BCAS3: variants seen among roughly 807,000 people sequenced by gnomAD.
The protein encoded by BCAS3 is BCAS3 microtubule associated cell migration factor.
A neutral mutation model predicts 116.1 loss-of-function variants in BCAS3; 53 were observed. The ratio of observed to expected loss-of-function variants is 0.46; its 90% CI spans 0.37 to 0.57. The LOEUF is 0.57. BCAS3 is among the 20% of genes least tolerant of loss of function. The probability of loss-of-function intolerance (pLI) is 0.00; values close to 1 mark genes in which losing one functional copy is unlikely to be tolerated. For missense variants in BCAS3, 917 were observed against 1,165.4 expected (o/e 0.79, Z 3.10); for synonymous variants, 391 against 408.2 (o/e 0.96, Z 0.51).
chr17:61,246,407 G>A (rs1374356619), intron 22 of BCAS3, among the ~76,000 whole-genome samples: 1 of 147,348 alleles, frequency 6.8e-6, no homozygotes, highest in Non-Finnish European at 1.5e-5. Context: ...CAGAAGCAGA[G>A]GTTGCTAAGA....
In BCAS3 at chr17:60,828,147, C is replaced by G. The variant is rs1320871463; in HGVS notation, c.476+20071C>G. Among the ~76,000 whole-genome samples the G allele has an allele frequency of 2.0e-5, 3 of 152,154 alleles. No individual in the cohort carries two copies. The East Asian group carries it at 5.8e-4, about 29-fold the overall frequency. ...TCCAGTCAACTTCAGGCTTAGATTA[C>G]AAGATTTGCAAATTAGAGGAAAACC... On this transcript the variant is annotated intron_variant, in intron 7 of 23. Coordinates refer to ENST00000407086, the MANE Select transcript of BCAS3 (RefSeq NM_017679.5).
chr17:60,988,771 T>A (rs995604976), intron 14 of BCAS3, among the ~76,000 whole-genome samples: 2 of 151,950 alleles, frequency 1.3e-5, no homozygotes, highest in African/African-American at 4.8e-5. Flanking sequence ...TTTATTTGAG[T>A]CTTCTCTCTT....
chr17:60,965,634 T>G (rs1242829313), intron 14 of BCAS3, among the ~76,000 whole-genome samples: 1 of 152,216 alleles, frequency 6.6e-6, no homozygotes, highest in Non-Finnish European at 1.5e-5. Context: ...GTTTTTTAAT[T>G]TCTATGTGTT....
chr17:60,728,525 G>T (rs2040139703), intron 5 of BCAS3, among the ~76,000 whole-genome samples: 1 of 151,618 alleles, frequency 6.6e-6, no homozygotes, highest in Non-Finnish European at 1.5e-5. Flanking sequence ...TGTCGCCTAG[G>T]CTGGAGTACA....
rs1190594728 is a variant in BCAS3 at position 61,065,001 on chromosome 17, C to T, written c.2030-9919C>T. Among the ~76,000 whole-genome samples the T allele has an allele frequency of 6.6e-6, 1 of 152,150 alleles. No homozygotes were observed. Among genetic ancestry groups the T allele is most frequent in the Non-Finnish European group, 1.5e-5 (1 of 68,034 alleles). ...GAATTCCTCTACATTTAAATTGTCA[C>T]ATTTATAAATCAGTGTGAATTTAAT... On this transcript the variant is annotated intron_variant, in intron 19 of 23. Coordinates refer to ENST00000407086, the MANE Select transcript of BCAS3 (RefSeq NM_017679.5). This position sits in a 1 kb window ranked among gnomAD's most constrained non-coding sequence, Gnocchi z 4.8.
rs765037018 is a variant in BCAS3, at chr17:61,316,764, G to A, written c.2426-51563G>A. ...TCCTTCCTTTTTTAGTCAAACATCT[G>A]CTCAACTGTATGTGCTGTGCTAGAT... On this transcript the variant is annotated intron_variant, in intron 22 of 23. Coordinates refer to ENST00000407086, the MANE Select transcript of BCAS3 (RefSeq NM_017679.5). The surrounding 1 kb of genome is among the most constrained non-coding windows in gnomAD (Gnocchi z 5.8). 6.6e-6 allele frequency among the ~76,000 whole-genome samples: 1 copy of A among 152,324 alleles called. No homozygotes were observed. The highest frequency in any genetic ancestry group is 1.9e-4 in the East Asian group (1 of 5,192).
chr17:61,296,984 C>T (rs1406890719), intron 22 of BCAS3, among the ~76,000 whole-genome samples: 5 of 152,138 alleles, frequency 3.3e-5, no homozygotes, highest in African/African-American at 7.2e-5. Flanking sequence ...ATGATCAACA[C>T]GTGTTTCGGA....
At chr17:61,268,819 A>G (rs1443173135) in intron 22 of BCAS3, among the ~76,000 whole-genome samples, 1 of 152,128 alleles carries the variant, frequency 6.6e-6, no homozygotes, top group Admixed American at 6.5e-5. Flanking sequence ...CAGCCTCCCA[A>G]AGTGCTGGGA....
At chr17:61,080,972 A>G (rs963123373) in intron 21 of BCAS3, among the ~76,000 whole-genome samples, 1 of 152,194 alleles carries the variant, frequency 6.6e-6, no homozygotes, top group Admixed American at 6.5e-5. Context: ...GAATACAGTG[A>G]GAGTGTCAGA....
intron 7 of BCAS3, among the ~76,000 whole-genome samples, chr17:60,834,180 A>C (rs60894440): frequency 0.22 from 33,246 of 151,940 alleles, 4,694 homozygotes; most frequent in African/African-American, 0.41. Flanking sequence ...AAGAGGAATA[A>C]TTTTGTTGTA....
chr17:61,049,725 CTTTTCTTTTTT>C (rs1161392742), intron 19 of BCAS3, among the ~76,000 whole-genome samples: 1 of 139,468 alleles, frequency 7.2e-6, no homozygotes, highest in African/African-American at 2.8e-5. Context: ...CTTTTCTTTT[CTTTTCTTTTTT>C]TTTTTTTTTT....
intron 13 of BCAS3, among the ~76,000 whole-genome samples, chr17:60,936,941 A>G (rs1024225970): frequency 6.6e-6 from 1 of 152,152 alleles, no homozygotes; most frequent in South Asian, 2.1e-4. Flanking sequence ...GCCCATGCCT[A>G]TGTCCTGAAT....
At chr17:61,375,289 A>T (rs2059282353) in intron 23 of BCAS3, among the ~76,000 whole-genome samples, 1 of 147,012 alleles carries the variant, frequency 6.8e-6, no homozygotes, top group African/African-American at 2.7e-5. Flanking sequence ...GACTGTAAAA[A>T]GTAAGCTCCC....
Position 60,910,679 on chromosome 17 carries a change from A to G in BCAS3, c.970A>G (p.Thr324Ala), listed in dbSNP as rs1223399423. The G allele has an allele frequency of 1.2e-6, 2 of 1,608,412 alleles. No individual in the cohort carries two copies. Among genetic ancestry groups the G allele is most frequent in the Non-Finnish European group, 8.5e-7 (1 of 1,177,442 alleles). The change falls in exon 12 of 24, where the codon ACC becomes GCC. Residue 324 changes from threonine (T) to alanine (A), a missense_variant. Thr to Ala is a moderately conservative substitution (Grantham distance 58). This residue lies in a region of BCAS3 where 807 missense variants were observed against 1,026.0 expected (regional missense o/e 0.79). Coordinates refer to ENST00000407086, the MANE Select transcript of BCAS3 (RefSeq NM_017679.5). ...LVPGIITVIDTETVGEGQVLV... is the reference protein window; with the variant it reads ...LVPGIITVIDAETVGEGQVLV... ...CCCAGGCATCATCACAGTTATTGAC[A>G]CCGAAACCGTTGGAGAGGGCCAGGT...
intron 4 of BCAS3, among the ~76,000 whole-genome samples, chr17:60,699,023 A>T (rs945204260): frequency 2.0e-5 from 3 of 152,144 alleles, no homozygotes; most frequent in African/African-American, 7.2e-5. Flanking sequence ...GCATCACTAC[A>T]CTCTAACCTT....
At position 61,356,295 on chromosome 17, in the gene BCAS3, G is replaced by C. The variant is rs1224302688; in HGVS notation, c.2426-12032G>C. Among the ~76,000 whole-genome samples, 1 of 151,930 alleles carries C rather than the reference G, an allele frequency of 6.6e-6. No individual in the cohort carries two copies. The highest frequency in any genetic ancestry group is 1.5e-5 in the Non-Finnish European group (1 of 67,948). Reference sequence around the variant, plus strand: ...AGGCGTGAGCCACCGCACCTGGCCAGGAAACATTGTCATTGCAGCCCAGCT... The same window carrying C: ...AGGCGTGAGCCACCGCACCTGGCCACGAAACATTGTCATTGCAGCCCAGCT... On this transcript the variant is annotated intron_variant, in intron 22 of 23. Transcript: ENST00000407086. This position sits in a 1 kb window ranked among gnomAD's most constrained non-coding sequence, Gnocchi z 5.4.
At chr17:61,112,773 A>G (rs2075175193) in intron 22 of BCAS3, among the ~76,000 whole-genome samples, 1 of 151,806 alleles carries the variant, frequency 6.6e-6, no homozygotes, top group Admixed American at 6.6e-5. Context: ...CCCGAAATCA[A>G]CAGAATATAC....
chr17:61,022,979 G>T (rs16944742), intron 16 of BCAS3, among the ~76,000 whole-genome samples: 1 of 152,106 alleles, frequency 6.6e-6, no homozygotes, highest in African/African-American at 2.4e-5. Flanking sequence ...TTAAAATTGG[G>T]TATCATGTGT....
chr17:60,710,474 C>T (rs1291513252), intron 5 of BCAS3, among the ~76,000 whole-genome samples: 1 of 150,774 alleles, frequency 6.6e-6, no homozygotes, highest in Non-Finnish European at 1.5e-5. Flanking sequence ...CTCTGTTGCC[C>T]AGGCTGGAGT....
Sources: allele counts gnomAD v4.1 joint callset (sites outside exome capture counted in the v4.1 genomes callset), GRCh38; gene constraint gnomAD v4.1.1; regional missense constraint gnomAD v4.1.1; non-coding constraint Gnocchi (gnomAD v3.1); transcripts MANE v1.5; gene names NCBI Gene and HGNC (gene_info 2026-07-23, HGNC 2026-07-21).